PARVB: variants seen among roughly 807,000 people sequenced by gnomAD.
PARVB encodes parvin beta, also known as beta-parvin.
In PARVB, 46 loss-of-function variants were observed where a neutral mutation model predicts 47.0. That is an observed-to-expected ratio of 0.98 (90% CI 0.77 to 1.25). The LOEUF (loss-of-function observed/expected upper bound fraction) is 1.25, where lower values mean the gene tolerates loss of function less well. Ranked by LOEUF, PARVB falls within the 50% of genes most tolerant of loss-of-function variation. The probability of loss-of-function intolerance (pLI) is 0.00; values close to 1 mark genes in which losing one functional copy is unlikely to be tolerated. For synonymous variants in PARVB, 196 were observed against 196.3 expected (o/e 1.00, Z 0.01); for missense variants, 473 against 471.6 (o/e 1.00, Z -0.03).
intron 5 of PARVB, among the ~76,000 whole-genome samples, chr22:44,132,499 C>A (rs1049595338): frequency 6.6e-6 from 1 of 152,112 alleles, no homozygotes; most frequent in Admixed American, 6.5e-5. Context: ...TGGTTCATTG[C>A]GGAGAGGGAG....
intron 1 of PARVB, among the ~76,000 whole-genome samples, chr22:44,057,153 C>A (rs964422241): frequency 2.0e-5 from 3 of 151,752 alleles, no homozygotes; most frequent in Non-Finnish European, 4.4e-5. Flanking sequence ...GCGTGTCGTT[C>A]CATTTGTGGG....
chr22:44,050,595 C>G (rs1363711703), intron 1 of PARVB, among the ~76,000 whole-genome samples: 3 of 152,148 alleles, frequency 2.0e-5, no homozygotes, highest in Non-Finnish European at 2.9e-5. Context: ...ACCTCAGCCT[C>G]CTAAAGTGCT....
intron 10 of PARVB, 62 bp from the exon 11 acceptor site, chr22:44,157,920 T>C: frequency 8.3e-7 from 1 of 1,201,014 alleles, no homozygotes; most frequent in Non-Finnish European, 1.2e-6. Flanking sequence ...CCCCTTAAGT[T>C]TGTGCAAAGC....
chr22:44,112,355 T>C, intron 3 of PARVB: 1 of 152,236 alleles, frequency 6.6e-6, no homozygotes, highest in Non-Finnish European at 1.5e-5. Flanking sequence ...TTTCACGGCC[T>C]CCTCCCCACT....
intron 12 of PARVB, among the ~76,000 whole-genome samples, chr22:44,167,452 G>T (rs1047369274): frequency 6.6e-6 from 1 of 152,118 alleles, no homozygotes; most frequent in Non-Finnish European, 1.5e-5. Context: ...TGCTGCGTGG[G>T]GGCATCGGTG....
chr22:44,008,458 G>A (rs2050489501), intron 2 of PARVB, among the ~76,000 whole-genome samples: 2 of 152,110 alleles, frequency 1.3e-5, no homozygotes, highest in African/African-American at 4.8e-5. Context: ...TGCCTACTAT[G>A]TGCAAGGAAA....
chr22:44,164,889 C>T (rs1323698123), intron 12 of PARVB, among the ~76,000 whole-genome samples: 1 of 152,228 alleles, frequency 6.6e-6, no homozygotes, highest in African/African-American at 2.4e-5. Context: ...CGCTTCCTGC[C>T]AGTCCACGCG....
chr22:44,158,140 G>A, intron 11 of PARVB, 57 bp downstream of exon 11: 1 of 1,180,856 alleles, frequency 8.5e-7, no homozygotes, highest in Non-Finnish European at 1.3e-6. Context: ...TTGAAATGCA[G>A]AGCATAGACT....
chr22:44,051,691 G>T (rs1334537294), intron 1 of PARVB, among the ~76,000 whole-genome samples: 1 of 152,174 alleles, frequency 6.6e-6, no homozygotes, highest in Non-Finnish European at 1.5e-5. Flanking sequence ...GAAATTGAGT[G>T]AAGGTCTCTG....
chr22:44,013,153 C>T (rs539482463), intron 2 of PARVB, among the ~76,000 whole-genome samples: 1 of 152,302 alleles, frequency 6.6e-6, no homozygotes, highest in East Asian at 1.9e-4. Flanking sequence ...CTGCCTCGGC[C>T]TCCCAAAGTG....
chr22:44,078,768 A>C (rs2051833143), intron 1 of PARVB, among the ~76,000 whole-genome samples: 1 of 152,192 alleles, frequency 6.6e-6, no homozygotes, highest in East Asian at 1.9e-4. Context: ...TCTGTCGCCC[A>C]GGCTGGAGTG....
intron 1 of PARVB, among the ~76,000 whole-genome samples, chr22:44,083,564 C>T (rs2051956617): frequency 6.6e-6 from 1 of 152,090 alleles, no homozygotes; most frequent in African/African-American, 2.4e-5. Flanking sequence ...GTGTGCTTTC[C>T]AGACGGTGGG....
chr22:44,166,469 A>G (rs139089), intron 12 of PARVB, among the ~76,000 whole-genome samples: 56,403 of 152,118 alleles, frequency 0.37, 11,036 homozygotes, highest in South Asian at 0.52. Context: ...ATATCCTCTG[A>G]CAGGCCGGCC....
chr22:44,005,991 C>T (rs12160094), intron 2 of PARVB, among the ~76,000 whole-genome samples: 37,307 of 152,178 alleles, frequency 0.25, 5,014 homozygotes, highest in African/African-American at 0.35. Context: ...TCAAGACCCT[C>T]CACTGGTAAC....
intron 8 of PARVB, chr22:44,147,447 G>A: frequency 2.8e-6 from 1 of 356,284 alleles, no homozygotes; most frequent in Non-Finnish European, 5.6e-6. Flanking sequence ...GCAGGACATG[G>A]CCACCGTCGC....
Position 44,168,731 on chromosome 22 carries a change from G to A in PARVB, c.*53G>A, listed in dbSNP as rs183589736. On this transcript the variant is annotated 3_prime_UTR_variant, in exon 13 of 13. Coordinates refer to ENST00000338758, the MANE Select transcript of PARVB (RefSeq NM_013327.5). ...TGTCCCAGCAAGAAAGGCGGCATCC[G>A]TCTGTGCCCTGTGCCTTTCCAGGGA... 1.5e-5 allele frequency: 19 copies of A among 1,274,168 alleles called. No homozygotes were observed. The highest frequency in any genetic ancestry group is 8.8e-5 in the African/African-American group (6 of 68,400). The allele number at this position is 1,274,168 out of a possible 1,614,324, so 78.9% of individuals were successfully genotyped here.
intron 2 of PARVB, among the ~76,000 whole-genome samples, chr22:44,002,700 A>G (rs1301715779): frequency 6.6e-6 from 1 of 152,186 alleles, no homozygotes; most frequent in African/African-American, 2.4e-5. Flanking sequence ...GCCTGTTTTT[A>G]CATTTACACA....
intron 1 of PARVB, among the ~76,000 whole-genome samples, chr22:44,050,331 G>A (rs1026264519): frequency 4.6e-5 from 7 of 151,492 alleles, no homozygotes. Flanking sequence ...CATTCCTACA[G>A]GTGACCCCTT....
chr22:44,087,999 G>A (rs1212317621), intron 1 of PARVB, among the ~76,000 whole-genome samples: 1 of 151,970 alleles, frequency 6.6e-6, no homozygotes, highest in Non-Finnish European at 1.5e-5. Flanking sequence ...CCGAGGGTGT[G>A]TGTCCCTGAA....
Sources: gnomAD v4.1 joint callset for allele counts (sites outside exome capture counted in the v4.1 genomes callset) on GRCh38, gnomAD v4.1.1 for gene constraint, MANE v1.5 for transcripts, NCBI Gene and HGNC (gene_info 2026-07-23, HGNC 2026-07-21) for gene names.